The following CCSER1 variants were observed in gnomAD, a reference collection of about 807,000 sequenced individuals.
CCSER1 encodes coiled-coil serine rich protein 1, also known as serine-rich coiled-coil domain-containing protein 1.
Under a neutral mutation model 82.0 loss-of-function variants are expected in CCSER1, and 41 were observed. The observed-to-expected ratio is 0.50, with a 90% CI of 0.39 to 0.65. The LOEUF (loss-of-function observed/expected upper bound fraction) is 0.65. Ranked by LOEUF, CCSER1 falls within the 30% of genes least tolerant of loss-of-function variation. CCSER1 has a pLI of 0.00. For missense variants in CCSER1, 1,119 were observed against 1,064.2 expected, an observed-to-expected ratio of 1.05 and a Z score of -0.72; for synonymous variants, 414 against 383.9, an observed-to-expected ratio of 1.08 and a Z score of -0.92.
At chr4:91,167,479 C>T (rs186944728) in intron 10 of CCSER1, among the ~76,000 whole-genome samples, 42 of 152,020 alleles carry the variant, frequency 2.8e-4, no homozygotes, top group African/African-American at 6.8e-4. Context: ...CCACTGCACC[C>T]GGCCAAGAAT....
intron 1 of CCSER1, among the ~76,000 whole-genome samples, chr4:90,194,440 C>A (rs1211414871): frequency 2.0e-5 from 3 of 152,004 alleles, no homozygotes; most frequent in Non-Finnish European, 1.5e-5. Context: ...GATAGGTACA[C>A]TCTGTCTTAT....
At chr4:91,532,871 T>TA (rs200914112) in intron 10 of CCSER1, among the ~76,000 whole-genome samples, 10,271 of 137,984 alleles carry the variant, frequency 0.074, 502 homozygotes, top group South Asian at 0.17. Flanking sequence ...CCCTGTCTCA[T>TA]AAAAAAAAAA....
At chr4:90,915,352 G>A (rs1052064893) in intron 8 of CCSER1, among the ~76,000 whole-genome samples, 3 of 151,962 alleles carry the variant, frequency 2.0e-5, no homozygotes, top group South Asian at 2.1e-4. Flanking sequence ...GATGTGAGGC[G>A]GTTCAGCATA....
intron 9 of CCSER1, among the ~76,000 whole-genome samples, chr4:91,083,228 G>T (rs1173264802): frequency 1.3e-5 from 2 of 152,156 alleles, no homozygotes; most frequent in African/African-American, 4.8e-5. Flanking sequence ...ATACTATGCA[G>T]CCATAAAAAA....
intron 5 of CCSER1, among the ~76,000 whole-genome samples, chr4:90,568,239 C>T (rs1324784010): frequency 6.6e-6 from 1 of 152,068 alleles, no homozygotes; most frequent in East Asian, 1.9e-4. Context: ...TCTGGATGAT[C>T]TGTTTATTGC....
At chr4:90,230,491 T>C (rs1300982147) in intron 1 of CCSER1, among the ~76,000 whole-genome samples, 1 of 151,860 alleles carries the variant, frequency 6.6e-6, no homozygotes, top group East Asian at 1.9e-4. Context: ...GGGAAATTTA[T>C]AGCACTAAAT....
intron 10 of CCSER1, among the ~76,000 whole-genome samples, chr4:91,529,055 C>G (rs941428347): frequency 6.6e-6 from 1 of 152,052 alleles, no homozygotes; most frequent in African/African-American, 2.4e-5. Flanking sequence ...TTTTGTTTCT[C>G]AGTGCTTTGC....
At chr4:91,445,384 T>C (rs1246534960) in intron 10 of CCSER1, among the ~76,000 whole-genome samples, 2 of 149,878 alleles carry the variant, frequency 1.3e-5, no homozygotes, top group African/African-American at 4.9e-5. Context: ...TAAGAAATAG[T>C]AATTCCTTTT....
intron 5 of CCSER1, among the ~76,000 whole-genome samples, chr4:90,491,395 A>G (rs1291254484): frequency 6.6e-6 from 1 of 152,196 alleles, no homozygotes; most frequent in Non-Finnish European, 1.5e-5. Context: ...GAATTTGCTT[A>G]TCAGCTTAAG....
At chr4:90,206,919 C>T (rs1738958455) in intron 1 of CCSER1, among the ~76,000 whole-genome samples, 2 of 151,960 alleles carry the variant, frequency 1.3e-5, no homozygotes, top group Admixed American at 6.5e-5. Context: ...GCATTGATCC[C>T]TTTACCGTTA....
intron 5 of CCSER1, among the ~76,000 whole-genome samples, chr4:90,571,611 G>A (rs547936053): frequency 4.6e-5 from 7 of 152,094 alleles, no homozygotes; most frequent in Non-Finnish European, 7.4e-5. Flanking sequence ...AGGGAGGAAC[G>A]GGGGCAAGTG....
chr4:90,764,514 G>C (rs577722619), intron 7 of CCSER1, among the ~76,000 whole-genome samples: 1 of 152,060 alleles, frequency 6.6e-6, no homozygotes, highest in Non-Finnish European at 1.5e-5. Context: ...CCCAATAATG[G>C]TGGTTTTTGG....
intron 4 of CCSER1, among the ~76,000 whole-genome samples, chr4:90,436,846 G>A (rs767798993): frequency 4.7e-5 from 7 of 148,148 alleles, no homozygotes; most frequent in South Asian, 2.1e-4. Context: ...TCACTCTGTC[G>A]CCCAGGCTGG....
intron 10 of CCSER1, among the ~76,000 whole-genome samples, chr4:91,178,281 G>T (rs145409634): frequency 0.033 from 4,989 of 152,194 alleles, 129 homozygotes; most frequent in South Asian, 0.086. Flanking sequence ...GAAGAATGTA[G>T]ATTCTGTTGA....
chr4:91,019,716 G>C (rs1349250198), intron 9 of CCSER1, among the ~76,000 whole-genome samples: 3 of 152,072 alleles, frequency 2.0e-5, no homozygotes, highest in African/African-American at 7.2e-5. Flanking sequence ...ATATTACATG[G>C]ACTTTAGAAG....
At chr4:91,405,650 G>A (rs954639964) in intron 10 of CCSER1, among the ~76,000 whole-genome samples, 1 of 152,164 alleles carries the variant, frequency 6.6e-6, no homozygotes, top group Non-Finnish European at 1.5e-5. Flanking sequence ...AGTGAGCCTG[G>A]CTCCGTGGCA....
At chr4:90,591,278 C>T (rs1782660280) in intron 5 of CCSER1, among the ~76,000 whole-genome samples, 2 of 152,182 alleles carry the variant, frequency 1.3e-5, no homozygotes, top group South Asian at 2.1e-4. Context: ...ATACAATTTC[C>T]TTCGTTTGCC....
intron 10 of CCSER1, among the ~76,000 whole-genome samples, chr4:91,125,127 T>G (rs571395944): frequency 1.3e-5 from 2 of 151,860 alleles, no homozygotes; most frequent in African/African-American, 2.4e-5. Flanking sequence ...CTTCAATCAG[T>G]ATATCAAATT....
chr4:90,399,506 GA>G (rs1752506030), intron 3 of CCSER1, among the ~76,000 whole-genome samples: 2 of 151,914 alleles, frequency 1.3e-5, no homozygotes, highest in Admixed American at 6.6e-5. Flanking sequence ...AAATTTGTTT[GA>G]AAAACAATTC....
Sources: allele counts gnomAD v4.1 joint callset (sites outside exome capture counted in the v4.1 genomes callset), GRCh38; gene constraint gnomAD v4.1.1; transcripts MANE v1.5; gene names NCBI Gene and HGNC (gene_info 2026-07-23, HGNC 2026-07-21).